Variants in UBE4A observed in about 807,000 individuals in gnomAD.
UBE4A encodes ubiquitination factor E4A.
UBE4A carries 48 observed loss-of-function variants against 117.9 expected under a neutral mutation model. The observed-to-expected ratio is 0.41, with a 90% confidence interval of 0.32 to 0.52. UBE4A has a LOEUF of 0.52. Among genes scored for constraint, UBE4A ranks in the 20% least tolerant of loss-of-function variants. The probability of loss-of-function intolerance (pLI) is 0.33; values close to 1 mark genes in which losing one functional copy is unlikely to be tolerated. For synonymous variants in UBE4A, 407 were observed against 450.0 expected, an observed-to-expected ratio of 0.90 and a Z score of 1.21; for missense variants, 1,067 against 1,296.3, an observed-to-expected ratio of 0.82 and a Z score of 2.72.
chr11:118,366,895 C>G (rs1948567817), intron 2 of UBE4A, among the ~76,000 whole-genome samples: 1 of 152,070 alleles, frequency 6.6e-6, no homozygotes, highest in Non-Finnish European at 1.5e-5. Context: ...ATGACAAAAC[C>G]CCGTCTCTAC....
chr11:118,378,314 C>T (rs1424164004), intron 10 of UBE4A, among the ~76,000 whole-genome samples: 1 of 150,936 alleles, frequency 6.6e-6, no homozygotes, highest in African/African-American at 2.4e-5. Context: ...ACAAAAGTGG[C>T]AAATATTAAG....
At position 118,373,501 on chromosome 11, in the gene UBE4A, T is replaced by C; in HGVS notation, c.932T>C (p.Val311Ala). ...ACTTGTCTTCTCTTACAGGTTTTTG[T>C]AGAATACATTCAGCCCAAGGACCCT... ...TRQKDMAKVF[V>A]EYIQPKDPTN... The change falls in exon 8 of 20, where the codon GTA becomes GCA. Residue 311 changes from valine to alanine, a missense_variant. This residue lies in a region of UBE4A where 1,001 missense variants were observed against 1,184.0 expected (regional missense o/e 0.85). Coordinates refer to ENST00000252108, the MANE Select transcript of UBE4A (RefSeq NM_001204077.2). The C allele has an allele frequency of 6.2e-7, 1 of 1,612,118 alleles. No homozygotes were observed. The highest frequency in any genetic ancestry group is 8.5e-7 in the Non-Finnish European group (1 of 1,179,178).
chr11:118,374,530 C>T (rs2134093570), intron 8 of UBE4A, among the ~76,000 whole-genome samples: 1 of 152,346 alleles, frequency 6.6e-6, no homozygotes, highest in Admixed American at 6.5e-5. Flanking sequence ...TGAACATAGC[C>T]ATGCGCATTA....
At chr11:118,374,178 T>A (rs571944236) in intron 8 of UBE4A, among the ~76,000 whole-genome samples, 1 of 152,252 alleles carries the variant, frequency 6.6e-6, no homozygotes, top group Admixed American at 6.5e-5. Flanking sequence ...AAGAATGAGC[T>A]GCTGCTACTC....
At chr11:118,388,371 C>A (rs1555127583) in intron 16 of UBE4A, among the ~76,000 whole-genome samples, 1 of 152,070 alleles carries the variant, frequency 6.6e-6, no homozygotes, top group African/African-American at 2.4e-5. Context: ...AAGCGATAGG[C>A]CAGGCACGGT....
At chr11:118,384,275 G>A (rs538864194) in intron 13 of UBE4A, among the ~76,000 whole-genome samples, 107 of 152,250 alleles carry the variant, frequency 7.0e-4, no homozygotes, top group African/African-American at 2.5e-3. Context: ...TTAGTGTCCC[G>A]TCCTGCACAT....
intron 5 of UBE4A, 48 bp from the exon 6 acceptor site, chr11:118,372,459 C>T (rs369397424): frequency 6.4e-7 from 1 of 1,555,086 alleles, no homozygotes; most frequent in Middle Eastern, 1.7e-4. Flanking sequence ...ACTTTCGTTC[C>T]AGATTACAGA....
intron 5 of UBE4A, among the ~76,000 whole-genome samples, 195 bp from the exon 6 acceptor site, chr11:118,372,312 G>T (rs893413721): frequency 4.6e-5 from 7 of 152,160 alleles, no homozygotes; most frequent in Non-Finnish European, 8.8e-5. Context: ...ATTAGAGTAG[G>T]CTAAGCCGGA....
Position 118,392,451 on chromosome 11 carries a change from A to G in UBE4A, c.2917-287A>G, listed in dbSNP as rs3819251. On this transcript the variant is annotated intron_variant, in intron 18 of 19. Coordinates refer to ENST00000252108, the MANE Select transcript of UBE4A (RefSeq NM_001204077.2). ...ACAGAACTGTTGCCAGATGGATGTTATATCTGATGTATTTCTTTTCCTCCT... is the reference window on the plus strand; with the variant it reads ...ACAGAACTGTTGCCAGATGGATGTTGTATCTGATGTATTTCTTTTCCTCCT... Among the ~76,000 whole-genome samples the G allele has an allele frequency of 6.4e-4, 97 of 152,286 alleles. 4 individuals are homozygous for G. In the East Asian group the frequency reaches 0.018, roughly 28 times the overall value.
intron 7 of UBE4A, 38 bp downstream of exon 7, chr11:118,373,326 A>G: frequency 4.4e-6 from 7 of 1,600,664 alleles, no homozygotes; most frequent in Non-Finnish European, 6.0e-6. Flanking sequence ...GTTGAGCTAG[A>G]TGTGTAATAC....
At position 118,383,423 on chromosome 11, in the gene UBE4A, T is replaced by A. The variant is rs370385563; in HGVS notation, c.2197+647T>A. ...AGCCTGGCCAACATGGTGAAACCCA[T>A]TCTCTACAAAAATACAAAAATTACC... On this transcript the variant is annotated intron_variant, in intron 13 of 19. Coordinates refer to ENST00000252108, the MANE Select transcript of UBE4A (RefSeq NM_001204077.2). Among the ~76,000 whole-genome samples, 94 of 151,738 alleles carry A rather than the reference T, an allele frequency of 6.2e-4. No individual in the cohort carries two copies. In the East Asian group the frequency reaches 0.016, roughly 26 times the overall value.
rs1346169089 is a variant in UBE4A at position 118,375,013 on chromosome 11, G to A, written c.1234G>A (p.Gly412Ser). ...WLGNCLHANA[G>S]RTKIWANQMP... is the part of the protein sequence containing the mutation. ...TGGAAACTGTTTGCATGCAAATGCA[G>A]GCCGCACCAAGATTTGGGCCAATCA... The change falls in exon 9 of 20, where the codon GGC becomes AGC. Residue 412 changes from glycine to serine, a missense_variant. Gly to Ser is a moderately conservative substitution (Grantham distance 56, BLOSUM62 0). Coordinates refer to ENST00000252108, the MANE Select transcript of UBE4A (RefSeq NM_001204077.2). 6.2e-7 allele frequency: 1 copy of A among 1,613,790 alleles called. No individual in the cohort carries two copies. Among genetic ancestry groups the A allele is most frequent in the Non-Finnish European group, 8.5e-7 (1 of 1,179,838 alleles).
Position 118,397,306 on chromosome 11 carries a change from T to A in UBE4A, c.*866T>A, listed in dbSNP as rs1188265972. On this transcript the variant is annotated 3_prime_UTR_variant, in exon 20 of 20. Coordinates refer to ENST00000252108, the MANE Select transcript of UBE4A (RefSeq NM_001204077.2). ...TAAATACACATACACCCCATGTGCTTTTTTGTTGGTTTAGTGTAAACTGAG... is the reference window on the plus strand; with the variant it reads ...TAAATACACATACACCCCATGTGCTATTTTGTTGGTTTAGTGTAAACTGAG... The A allele has an allele frequency of 6.6e-6, 1 of 152,186 alleles. No homozygotes were observed. The highest frequency in any genetic ancestry group is 1.5e-5 in the Non-Finnish European group (1 of 68,036). The allele number at this position is 152,186 out of a possible 1,614,324, so 9.4% of individuals were successfully genotyped here. A position where few individuals can be genotyped will look rare whatever the true frequency, so the allele number is the denominator to read the frequency against.
At chr11:118,369,276 G>T in intron 3 of UBE4A, 147 bp from the exon 4 acceptor site, 1 of 617,656 alleles carries the variant, frequency 1.6e-6, no homozygotes, top group Non-Finnish European at 2.9e-6. Flanking sequence ...AAAAAGATTT[G>T]AATCTTTAGA....
At position 118,397,899 on chromosome 11, in the gene UBE4A, T is replaced by C. The variant is rs1948889884; in HGVS notation, c.*1459T>C. ...CTAAGAGGGCTTCCCATCCTAGATA[T>C]AAAATAGGTGTTGCCTATTGCTGTG... On this transcript the variant is annotated 3_prime_UTR_variant, in exon 20 of 20. Coordinates refer to ENST00000252108, the MANE Select transcript of UBE4A (RefSeq NM_001204077.2). 2 of 152,244 alleles carry C rather than the reference T, an allele frequency of 1.3e-5. No individual in the cohort carries two copies. Among genetic ancestry groups the C allele is most frequent in the South Asian group, 4.1e-4 (2 of 4,836 alleles). The allele number at this position is 152,244 out of a possible 1,614,324, so 9.4% of individuals were successfully genotyped here.
At position 118,382,791 on chromosome 11, in the gene UBE4A, A is replaced by G; in HGVS notation, c.2197+15A>G. On this transcript the variant is annotated intron_variant, in intron 13 of 19. Transcript: ENST00000252108. Reference sequence around the variant, plus strand: ...CGAATTTACAGGTAAAGCAGTCATGAAGCTGAGCCCAGAACTGGGAAGCTG... The same window carrying G: ...CGAATTTACAGGTAAAGCAGTCATGGAGCTGAGCCCAGAACTGGGAAGCTG... 6.4e-7 allele frequency: 1 copy of G among 1,552,634 alleles called. No individual in the cohort carries two copies. Among genetic ancestry groups the G allele is most frequent in the Non-Finnish European group, 8.8e-7 (1 of 1,140,664 alleles).
chr11:118,371,517 C>T lies in UBE4A; in HGVS notation c.412C>T (p.Leu138Phe), dbSNP rs1948609865. The T allele has an allele frequency of 6.2e-7, 1 of 1,609,684 alleles. No homozygotes were observed. The highest frequency in any genetic ancestry group is 8.5e-7 in the Non-Finnish European group (1 of 1,177,610). Residue 138 changes from leucine to phenylalanine, a missense_variant, in exon 5 of 20, where the codon CTC becomes TTC. Physicochemically the swap from Leu to Phe is conservative, Grantham distance 22. This residue lies in a region of UBE4A where 1,001 missense variants were observed against 1,184.0 expected (regional missense o/e 0.85). Transcript: ENST00000252108. ...TTTTGTTTGGTTTTCTTTATAGGCC[C>T]TCTTCGCTCGCTTATTACTTCAAGA... Reference protein sequence around the residue: ...WLDMSNVEQALFARLLLQDPG... With the variant: ...WLDMSNVEQAFFARLLLQDPG...
intron 1 of UBE4A, among the ~76,000 whole-genome samples, chr11:118,363,634 C>T (rs1364426068): frequency 3.3e-5 from 4 of 121,322 alleles, no homozygotes; most frequent in Non-Finnish European, 4.9e-5. Context: ...TTTTTTGAGA[C>T]GAAGTCTCGC....
chr11:118,379,877 C>G, intron 11 of UBE4A, 127 bp downstream of exon 11: 1 of 1,126,554 alleles, frequency 8.9e-7, no homozygotes, highest in Non-Finnish European at 1.2e-6. Context: ...AGAAACAACT[C>G]AAACTTAGAT....
Sources: gnomAD v4.1 joint callset for allele counts (sites outside exome capture counted in the v4.1 genomes callset) on GRCh38, gnomAD v4.1.1 for gene constraint, gnomAD v4.1.1 regional missense constraint, MANE v1.5 for transcripts, NCBI Gene and HGNC (gene_info 2026-07-23, HGNC 2026-07-21) for gene names.